The following TBC1D8 variants were observed in gnomAD, a reference collection of about 807,000 sequenced individuals.
TBC1D8 encodes BUB2-like protein 1.
TBC1D8 carries 65 observed loss-of-function variants against 118.8 expected under a neutral mutation model. The observed-to-expected ratio is 0.55, with a 90% CI of 0.45 to 0.67. The LOEUF is 0.67. Among genes scored for constraint, TBC1D8 ranks in the 30% least tolerant of loss-of-function variants. The pLI, the probability that TBC1D8 is intolerant of heterozygous loss-of-function variation, is 0.00. For missense variants in TBC1D8, 1,376 were observed against 1,471.2 expected (o/e 0.94, Z 1.06); for synonymous variants, 566 against 595.8 (o/e 0.95, Z 0.73).
chr2:101,090,393 C>T, intron 1 of TBC1D8, 29 bp from the exon 2 acceptor site: 1 of 1,612,552 alleles, frequency 6.2e-7, no homozygotes, highest in Non-Finnish European at 8.5e-7. Context: ...GAAAGTGCAC[C>T]TGTGAGCATG....
chr2:101,105,459 C>T (rs779562760), intron 1 of TBC1D8, among the ~76,000 whole-genome samples: 5 of 151,526 alleles, frequency 3.3e-5, no homozygotes, highest in Non-Finnish European at 7.4e-5. Context: ...CATGGTGGCT[C>T]GTGCCTGTAA....
intron 4 of TBC1D8, among the ~76,000 whole-genome samples, chr2:101,053,842 C>G: frequency 6.6e-6 from 1 of 152,170 alleles, no homozygotes; most frequent in Non-Finnish European, 1.5e-5. Flanking sequence ...ACTATGTTTT[C>G]TAAACAACTT....
rs1480710043 is a variant in TBC1D8, at chr2:101,032,268, C to T, written c.1936G>A (p.Gly646Arg). 8 of 1,613,348 alleles carry T rather than the reference C, an allele frequency of 5.0e-6. 1 individual carries two copies. Among genetic ancestry groups the T allele is most frequent in the South Asian group, 3.3e-5 (3 of 91,028 alleles). The change falls in exon 11 of 20, where the codon GGG (glycine) becomes AGG (arginine). Residue 646 changes from glycine to arginine, a missense_variant and splice_region_variant. Physicochemically the swap from Gly to Arg is moderately radical, Grantham distance 125. Coordinates refer to ENST00000409318, the MANE Select transcript of TBC1D8 (RefSeq NM_001330348.2). ...AGGAGGAGGAAGGGGGTCTGTTTAC[C>T]GATCACTCGGTGGTTGAAGTAATCG... ...LPDYFNHRVI[G>R]AQVDQSVFEE... is the part of the protein sequence containing the mutation.
chr2:101,141,354 T>C (rs768769148), intron 1 of TBC1D8, among the ~76,000 whole-genome samples: 5 of 152,226 alleles, frequency 3.3e-5, no homozygotes, highest in Non-Finnish European at 7.3e-5. Context: ...CTATGGATAA[T>C]CTAACCACAA....
At chr2:101,051,190 G>A (rs928436373) in intron 4 of TBC1D8, among the ~76,000 whole-genome samples, 1 of 152,142 alleles carries the variant, frequency 6.6e-6, no homozygotes, top group African/African-American at 2.4e-5. Flanking sequence ...CCATGTCTTT[G>A]CTATTGTGAA....
intron 17 of TBC1D8, chr2:101,017,859 G>GTCTTCAAAACGATGATC (rs1679769270): frequency 1.3e-6 from 2 of 1,550,642 alleles, no homozygotes; most frequent in African/African-American, 1.4e-5. Flanking sequence ...TCCCAATTAG[G>GTCTTCAAAACGATGATC]TCTTCAAAAC....
intron 17 of TBC1D8, chr2:101,018,942 TTC>T: frequency 6.3e-7 from 1 of 1,591,888 alleles, no homozygotes; most frequent in Non-Finnish European, 8.6e-7. Flanking sequence ...TGGAATGCTC[TTC>T]GTCTGTGTGT....
chr2:101,111,198 G>A (rs1424455095), intron 1 of TBC1D8, among the ~76,000 whole-genome samples: 1 of 152,136 alleles, frequency 6.6e-6, no homozygotes, highest in African/African-American at 2.4e-5. Flanking sequence ...TTTTTACAAA[G>A]CATTTCATAA....
chr2:101,078,859 G>T (rs1675052140), intron 2 of TBC1D8, among the ~76,000 whole-genome samples: 1 of 151,704 alleles, frequency 6.6e-6, no homozygotes, highest in African/African-American at 2.4e-5. Flanking sequence ...GGGCAGAAGT[G>T]GTTACTCCCT....
At chr2:101,012,748 T>C (rs13017465) in intron 17 of TBC1D8, among the ~76,000 whole-genome samples, 28,597 of 152,212 alleles carry the variant, frequency 0.19, 2,906 homozygotes, top group Middle Eastern at 0.32. Flanking sequence ...AGGTTCCCCA[T>C]ATTTTAAAAA....
At chr2:101,118,614 G>A (rs1169126912) in intron 1 of TBC1D8, among the ~76,000 whole-genome samples, 3 of 150,904 alleles carry the variant, frequency 2.0e-5, no homozygotes, top group East Asian at 2.0e-4. Flanking sequence ...GGAGAATGGC[G>A]TGAACCCGGG....
intron 19 of TBC1D8, 145 bp downstream of exon 19, chr2:101,010,784 A>C: frequency 1.6e-6 from 1 of 618,344 alleles, no homozygotes; most frequent in Non-Finnish European, 2.8e-6. Context: ...CAGGAGGCTG[A>C]GGCAGGAGAA....
intron 19 of TBC1D8, among the ~76,000 whole-genome samples, chr2:101,010,250 T>A (rs1042798653): frequency 1.3e-5 from 2 of 152,164 alleles, no homozygotes; most frequent in Non-Finnish European, 2.9e-5. Flanking sequence ...TAGAGACTCC[T>A]CTATCAGTAC....
At chr2:101,056,375 T>C (rs929444588) in intron 3 of TBC1D8, among the ~76,000 whole-genome samples, 1 of 152,034 alleles carries the variant, frequency 6.6e-6, no homozygotes. Context: ...GGCTAATTTC[T>C]GTATTTTTAG....
At chr2:101,012,663 G>A (rs1679313136) in intron 17 of TBC1D8, among the ~76,000 whole-genome samples, 1 of 151,688 alleles carries the variant, frequency 6.6e-6, no homozygotes, top group African/African-American at 2.4e-5. Flanking sequence ...CGCTTTAAAC[G>A]GGTGACTTGC....
At chr2:101,070,330 C>T (rs1683241734) in intron 2 of TBC1D8, among the ~76,000 whole-genome samples, 1 of 151,426 alleles carries the variant, frequency 6.6e-6, no homozygotes, top group Non-Finnish European at 1.5e-5. Flanking sequence ...ATTTTCTGTG[C>T]CATGTTATGT....
chr2:101,101,073 G>T (rs1192697157), intron 1 of TBC1D8, among the ~76,000 whole-genome samples: 2 of 152,158 alleles, frequency 1.3e-5, no homozygotes, highest in African/African-American at 4.8e-5. Flanking sequence ...AAGATCTTCT[G>T]CACAGCAAAA....
At chr2:101,077,571 A>T (rs1674929041) in intron 2 of TBC1D8, among the ~76,000 whole-genome samples, 1 of 152,112 alleles carries the variant, frequency 6.6e-6, no homozygotes, top group Non-Finnish European at 1.5e-5. Context: ...TTAAACAACG[A>T]GATCTCGTAA....
Position 101,132,759 on chromosome 2 carries a change from AT to A in TBC1D8, c.127+18367del, listed in dbSNP as rs1383073489. Among the ~76,000 whole-genome samples the A allele has an allele frequency of 2.6e-5, 4 of 151,518 alleles. No homozygotes were observed. The South Asian group carries it at 6.3e-4, about 24-fold the overall frequency. ...ATATGCCACCATGCCCGGCTAACTT[AT>A]TTTTTGTTTTTCAATTTTTTGTAGA... On this transcript the variant is annotated intron_variant, in intron 1 of 19. Coordinates refer to ENST00000409318, the MANE Select transcript of TBC1D8 (RefSeq NM_001330348.2).
Sources: gnomAD v4.1 joint callset for allele counts (sites outside exome capture counted in the v4.1 genomes callset) on GRCh38, gnomAD v4.1.1 for gene constraint, MANE v1.5 for transcripts, NCBI Gene and HGNC (gene_info 2026-07-23, HGNC 2026-07-21) for gene names.